The following PTER variants were observed in gnomAD, a reference collection of about 807,000 sequenced individuals.
PTER encodes the protein N-acetyltaurine hydrolase.
A neutral mutation model predicts 29.6 loss-of-function variants in PTER; 38 were observed. The observed-to-expected ratio is 1.28, with a 90% CI of 0.99 to 1.68. The LOEUF is 1.68. Among genes scored for constraint, PTER ranks in the 40% most tolerant of loss-of-function variants. The pLI, the probability that PTER is intolerant of heterozygous loss-of-function variation, is 0.00. For synonymous variants in PTER, 172 were observed against 154.5 expected (o/e 1.11, Z -0.84); for missense variants, 482 against 427.8 (o/e 1.13, Z -1.12).
intron 1 of PTER, among the ~76,000 whole-genome samples, chr10:16,445,111 G>A (rs1833971192): frequency 6.6e-6 from 1 of 152,284 alleles, no homozygotes; most frequent in South Asian, 2.1e-4. Context: ...TTTTTAAAAA[G>A]GAGAATAAAT....
chr10:16,469,902 T>G lies in PTER; in HGVS notation c.-48-14435T>G, dbSNP rs1323368796. The stretch of plus-strand genomic sequence containing the variant: ...GCTGTTTTTTTTGTTTGTTTTTTTG[T>G]TTTTTTTTTTAATTTAAATAAGAGC... On this transcript the variant is annotated intron_variant, in intron 1 of 4. Coordinates refer to ENST00000535784, the MANE Select transcript of PTER (RefSeq NM_001261836.2). Among the ~76,000 whole-genome samples, 4 of 70,918 alleles carry G rather than the reference T, an allele frequency of 5.6e-5. No individual in the cohort carries two copies. The East Asian group carries it at 1.4e-3, about 26-fold the overall frequency. The allele number at this position is 70,918 out of a possible 152,430, so 46.5% of individuals were successfully genotyped here.
At chr10:16,440,729 C>T (rs1266037726) in intron 1 of PTER, among the ~76,000 whole-genome samples, 1 of 152,216 alleles carries the variant, frequency 6.6e-6, no homozygotes, top group African/African-American at 2.4e-5. Context: ...AGGCAGTGGT[C>T]TCAGCCTGGG....
intron 3 of PTER, among the ~76,000 whole-genome samples, chr10:16,495,877 G>A (rs934614578): frequency 6.6e-6 from 1 of 152,170 alleles, no homozygotes; most frequent in Non-Finnish European, 1.5e-5. Context: ...ACATTAATAC[G>A]TGACATAATT....
intron 1 of PTER, among the ~76,000 whole-genome samples, chr10:16,450,751 C>T (rs1834176906): frequency 6.6e-6 from 1 of 152,184 alleles, no homozygotes; most frequent in Non-Finnish European, 1.5e-5. Flanking sequence ...CCTTTGCTTT[C>T]ATTACCTTGT....
intron 3 of PTER, among the ~76,000 whole-genome samples, chr10:16,493,433 T>C (rs1234593041): frequency 6.6e-6 from 1 of 151,086 alleles, no homozygotes. Context: ...ACAATTTTTT[T>C]TTTAAATTTT....
At chr10:16,480,770 T>C (rs1835451359) in intron 1 of PTER, among the ~76,000 whole-genome samples, 2 of 152,190 alleles carry the variant, frequency 1.3e-5, no homozygotes, top group African/African-American at 4.8e-5. Flanking sequence ...TGAGGAACTC[T>C]CAGTGAAACT....
chr10:16,488,396 A>G (rs1835779518), intron 3 of PTER, among the ~76,000 whole-genome samples: 1 of 152,178 alleles, frequency 6.6e-6, no homozygotes, highest in African/African-American at 2.4e-5. Flanking sequence ...TAAGGATGAT[A>G]CTTTTTAAAC....
intron 1 of PTER, among the ~76,000 whole-genome samples, chr10:16,446,346 G>A (rs1834012698): frequency 6.6e-6 from 1 of 151,984 alleles, no homozygotes; most frequent in Non-Finnish European, 1.5e-5. Flanking sequence ...AGCTTCTTGA[G>A]TAGCTGAGAT....
At chr10:16,499,348 C>G (rs550646927) in intron 3 of PTER, among the ~76,000 whole-genome samples, 1 of 152,060 alleles carries the variant, frequency 6.6e-6, no homozygotes, top group Non-Finnish European at 1.5e-5. Context: ...TTTTCTTCCC[C>G]TGAATTTTGC....
At chr10:16,438,299 C>T (rs1036937668) in intron 1 of PTER, among the ~76,000 whole-genome samples, 6 of 149,682 alleles carry the variant, frequency 4.0e-5, no homozygotes, top group Non-Finnish European at 8.9e-5. Context: ...CCACCGCGCC[C>T]GGCCTCTTGC....
In PTER at chr10:16,484,731, A is replaced by G. The variant is rs1297789269; in HGVS notation, c.347A>G (p.Glu116Gly). 6.2e-7 allele frequency: 1 copy of G among 1,614,098 alleles called. No individual in the cohort carries two copies. Among genetic ancestry groups the G allele is most frequent in the Non-Finnish European group, 8.5e-7 (1 of 1,180,010 alleles). The change falls in exon 2 of 5, where the codon GAG (glutamate) becomes GGG (glycine). Residue 116 changes from glutamate to glycine, a missense_variant. Glu to Gly is a moderately conservative substitution (Grantham distance 98, BLOSUM62 -2). Transcript: ENST00000535784. ...CAGACGTTGAAGAGGCTTGCAGAAG[A>G]GACTGGCGTCCATATCATATCTGGA... is the stretch of plus-strand genomic sequence containing the variant. ...DTQTLKRLAE[E>G]TGVHIISGAG... is the part of the protein sequence containing the mutation.
intron 1 of PTER, among the ~76,000 whole-genome samples, chr10:16,440,992 C>T (rs759892190): frequency 5.9e-5 from 9 of 152,198 alleles, no homozygotes; most frequent in Non-Finnish European, 1.0e-4. Context: ...ATGAATCATG[C>T]TCCTTTTACT....
intron 1 of PTER, among the ~76,000 whole-genome samples, chr10:16,476,382 A>G (rs1835264148): frequency 6.6e-6 from 1 of 151,846 alleles, no homozygotes; most frequent in Non-Finnish European, 1.5e-5. Context: ...GCCCGACCTC[A>G]TACTTTCTTA....
At chr10:16,483,487 C>CT (rs1486919258) in intron 1 of PTER, among the ~76,000 whole-genome samples, 1 of 152,092 alleles carries the variant, frequency 6.6e-6, no homozygotes, top group Non-Finnish European at 1.5e-5. Context: ...CTTTATGGCT[C>CT]TAATTTCTGA....
chr10:16,465,238 A>G (rs1437805104), intron 1 of PTER, among the ~76,000 whole-genome samples: 4 of 114,316 alleles, frequency 3.5e-5, no homozygotes, highest in East Asian at 3.3e-4. Flanking sequence ...GACTCATTGA[A>G]TGCTTACCAT....
chr10:16,486,695 A>C lies in PTER; in HGVS notation c.698+78A>C, dbSNP rs1835715432. On this transcript the variant is annotated intron_variant, in intron 3 of 4. Coordinates refer to ENST00000535784, the MANE Select transcript of PTER (RefSeq NM_001261836.2). ...ATCAAATTAAGAATCTACAGTAATC[A>C]GTCAATGCAATACTAATCACGCAGA... The C allele has an allele frequency of 3.5e-6, 5 of 1,447,206 alleles. No homozygotes were observed. In the South Asian group the frequency reaches 6.6e-5, roughly 19 times the overall value. 89.6% of individuals were successfully genotyped at this position (1,447,206 alleles called of 1,614,324 possible).
chr10:16,486,233 C>T (rs2133453698), intron 2 of PTER, 119 bp from the exon 3 acceptor site: 1 of 1,177,398 alleles, frequency 8.5e-7, no homozygotes, highest in South Asian at 1.6e-5. Flanking sequence ...TTGATAAATA[C>T]TGAATACATT....
At chr10:16,460,865 C>T (rs557023302) in intron 1 of PTER, among the ~76,000 whole-genome samples, 157 of 152,134 alleles carry the variant, frequency 1.0e-3, no homozygotes, top group Non-Finnish European at 1.9e-3. Context: ...TACAGGCACC[C>T]GCCACCACGT....
rs1836811935 is a variant in PTER, at chr10:16,511,554, C to G, written c.*298C>G. The G allele has an allele frequency of 3.1e-6, 1 of 319,012 alleles. No individual in the cohort carries two copies. Among genetic ancestry groups the G allele is most frequent in the Non-Finnish European group, 5.8e-6 (1 of 171,216 alleles). The allele number at this position is 319,012 out of a possible 1,614,324, so 19.8% of individuals were successfully genotyped here. A position where few individuals can be genotyped will look rare whatever the true frequency, so the allele number is the denominator to read the frequency against. Reference sequence around the variant, plus strand: ...CTAAGCGGAGTTGTTGTTTTTCTCCCTAATCTATCAGCTGCACTACTTGAG... The same window carrying G: ...CTAAGCGGAGTTGTTGTTTTTCTCCGTAATCTATCAGCTGCACTACTTGAG... On this transcript the variant is annotated 3_prime_UTR_variant, in exon 5 of 5. Transcript: ENST00000535784.
Sources: allele counts gnomAD v4.1 joint callset (sites outside exome capture counted in the v4.1 genomes callset), GRCh38; gene constraint gnomAD v4.1.1; transcripts MANE v1.5; gene names NCBI Gene and HGNC (gene_info 2026-07-23, HGNC 2026-07-21).